Variants in MLIP observed in about 807,000 individuals in gnomAD.
MLIP encodes the protein muscular LMNA-interacting protein.
A neutral mutation model predicts 84.8 loss-of-function variants in MLIP; 79 were observed. That is an observed-to-expected ratio of 0.93 (90% CI 0.78 to 1.12). The LOEUF is 1.12. Ranked by LOEUF, MLIP falls within the 50% of genes most tolerant of loss-of-function variation. The pLI, the probability that MLIP is intolerant of heterozygous loss-of-function variation, is 0.00. For synonymous variants in MLIP, 504 were observed against 463.0 expected (o/e 1.09, Z -1.14); for missense variants, 1,257 against 1,160.6 (o/e 1.08, Z -1.21).
intron 12 of MLIP, among the ~76,000 whole-genome samples, chr6:54,235,556 C>T (rs1441177993): frequency 1.3e-5 from 2 of 152,144 alleles, no homozygotes; most frequent in Non-Finnish European, 2.9e-5. Flanking sequence ...ACATAATATG[C>T]TATTTCCCAC....
chr6:54,151,887 C>T (rs1773483129), intron 5 of MLIP, among the ~76,000 whole-genome samples: 1 of 152,144 alleles, frequency 6.6e-6, no homozygotes, highest in Non-Finnish European at 1.5e-5. Flanking sequence ...CGTTGAATTA[C>T]TGGATTGGTT....
At chr6:54,213,953 C>G (rs1437205901) in intron 11 of MLIP, among the ~76,000 whole-genome samples, 1 of 151,994 alleles carries the variant, frequency 6.6e-6, no homozygotes, top group Non-Finnish European at 1.5e-5. Flanking sequence ...CTTTGACTAC[C>G]TGACTGCCAT....
intron 1 of MLIP, among the ~76,000 whole-genome samples, chr6:54,071,473 T>C (rs1193123776): frequency 6.6e-6 from 1 of 152,180 alleles, no homozygotes; most frequent in Non-Finnish European, 1.5e-5. Flanking sequence ...ATATGATAAA[T>C]CATTGTTTTT....
chr6:54,139,965 G>T (rs1207553827), intron 4 of MLIP, among the ~76,000 whole-genome samples: 1 of 152,010 alleles, frequency 6.6e-6, no homozygotes, highest in Non-Finnish European at 1.5e-5. Context: ...AACATTCAAA[G>T]AAAATGAGAT....
chr6:54,085,676 A>G (rs1243795160), intron 1 of MLIP, among the ~76,000 whole-genome samples: 1 of 152,210 alleles, frequency 6.6e-6, no homozygotes, highest in African/African-American at 2.4e-5. Flanking sequence ...GTGTCCTGTT[A>G]GAAGCCTTCA....
rs1241717368 is a variant in MLIP at position 54,199,293 on chromosome 6, A to G, written c.2590-2812A>G. Among the ~76,000 whole-genome samples, 12 of 152,158 alleles carry G rather than the reference A, an allele frequency of 7.9e-5. 1 individual carries two copies. Among genetic ancestry groups the G allele is most frequent in the Admixed American group, 7.2e-4 (11 of 15,260 alleles). ...AAATCACAGGCATGATGATCACACC[A>G]AACATGGATTTAAACCTTAACATAT... On this transcript the variant is annotated intron_variant, in intron 10 of 13. Coordinates refer to ENST00000502396, the MANE Select transcript of MLIP (RefSeq NM_001281747.2).
At chr6:54,186,538 C>G (rs541882391) in intron 9 of MLIP, among the ~76,000 whole-genome samples, 3 of 152,168 alleles carry the variant, frequency 2.0e-5, no homozygotes, top group Non-Finnish European at 4.4e-5. Context: ...TTAATTGAGT[C>G]GCAGTTCTGC....
In MLIP at chr6:54,137,073, A is replaced by C. The variant is rs1255523962; in HGVS notation, c.1004A>C (p.His335Pro). The C allele has an allele frequency of 2.7e-5, 42 of 1,536,010 alleles. No individual in the cohort carries two copies. The highest frequency in any genetic ancestry group is 3.6e-5 in the Non-Finnish European group (41 of 1,146,874). The change falls in exon 4 of 14, where the codon CAT becomes CCT. Residue 335 changes from histidine to proline, a missense_variant. Coordinates refer to ENST00000502396, the MANE Select transcript of MLIP (RefSeq NM_001281747.2). The part of the protein sequence containing the change: ...EVLKKTTLTS[H>P]VLSHGESPRT... ...CTCAAGAAGACAACTTTAACCTCGC[A>C]TGTCCTTAGTCACGGAGAAAGTCCG...
chr6:54,145,665 G>C (rs577825869), intron 4 of MLIP, among the ~76,000 whole-genome samples: 6 of 151,906 alleles, frequency 3.9e-5, no homozygotes, highest in Non-Finnish European at 8.8e-5. Context: ...ATTACCAGAT[G>C]CTCTGGAGGC....
Position 54,219,421 on chromosome 6 carries a change from G to T in MLIP, c.2719-11293G>T, listed in dbSNP as rs1273812490. Among the ~76,000 whole-genome samples the T allele has an allele frequency of 3.4e-5, 5 of 145,718 alleles. No homozygotes were observed. In the Admixed American group the frequency reaches 3.4e-4, roughly 10 times the overall value. ...ACAAGTACACAAGTTAGCCTAGGCA[G>T]GGTCAGGATCACAAGACATCACTCT... On this transcript the variant is annotated intron_variant, in intron 11 of 13. Transcript: ENST00000502396.
At chr6:54,223,213 C>T (rs1462929393) in intron 11 of MLIP, among the ~76,000 whole-genome samples, 1 of 151,710 alleles carries the variant, frequency 6.6e-6, no homozygotes, top group African/African-American at 2.4e-5. Flanking sequence ...TGAATGTTCC[C>T]TTTGCTGTAG....
chr6:54,147,021 A>G (rs1772915456), intron 4 of MLIP, among the ~76,000 whole-genome samples: 2 of 152,176 alleles, frequency 1.3e-5, no homozygotes, highest in Non-Finnish European at 1.5e-5. Flanking sequence ...TGTTGTGACA[A>G]TTGAGTGAGT....
chr6:54,197,544 A>C (rs1056176163), intron 10 of MLIP, among the ~76,000 whole-genome samples: 2 of 152,028 alleles, frequency 1.3e-5, no homozygotes, highest in Non-Finnish European at 2.9e-5. Context: ...TACATTCATG[A>C]ATTGATATTT....
At chr6:54,139,163 G>A (rs1348824164) in intron 4 of MLIP, among the ~76,000 whole-genome samples, 1 of 152,020 alleles carries the variant, frequency 6.6e-6, no homozygotes, top group Non-Finnish European at 1.5e-5. Context: ...AGGGAAGTAA[G>A]AGATTTTTTT....
At chr6:54,255,772 G>A (rs1045583728) in intron 12 of MLIP, among the ~76,000 whole-genome samples, 1 of 152,088 alleles carries the variant, frequency 6.6e-6, no homozygotes, top group Non-Finnish European at 1.5e-5. Flanking sequence ...GCTTTATTGG[G>A]ATATTACCAA....
At chr6:54,095,285 A>G (rs961573034) in intron 1 of MLIP, among the ~76,000 whole-genome samples, 2 of 152,172 alleles carry the variant, frequency 1.3e-5, no homozygotes, top group Admixed American at 6.5e-5. Context: ...TATTGGTCAC[A>G]ATTCAGGTAC....
chr6:54,174,994 A>G (rs1343670450), intron 9 of MLIP, among the ~76,000 whole-genome samples: 1 of 151,992 alleles, frequency 6.6e-6, no homozygotes, highest in African/African-American at 2.4e-5. Context: ...AGCATCATTT[A>G]TTGAAAAGAC....
intron 12 of MLIP, among the ~76,000 whole-genome samples, chr6:54,247,346 A>G (rs374821795): frequency 1.3e-5 from 2 of 152,272 alleles, no homozygotes; most frequent in South Asian, 2.1e-4. Flanking sequence ...AAACCATCAT[A>G]GCTGTTAGTT....
rs529026912 is a variant in MLIP at position 54,071,697 on chromosome 6, C to T, written c.64-49750C>T. On this transcript the variant is annotated intron_variant, in intron 1 of 12. Coordinates refer to the MLIP transcript ENST00000274897. ...AGATTGTCCCTGGTAACATCTTTGG[C>T]GGTAATATTCATATGAATATGTTTG... is the stretch of plus-strand genomic sequence containing the variant. 1.7e-4 allele frequency among the ~76,000 whole-genome samples: 26 copies of T among 151,998 alleles called. No homozygotes were observed. In the South Asian group the frequency reaches 2.7e-3, roughly 16 times the overall value.
Sources: allele counts gnomAD v4.1 joint callset (sites outside exome capture counted in the v4.1 genomes callset), GRCh38; gene constraint gnomAD v4.1.1; transcripts MANE v1.5; gene names NCBI Gene and HGNC (gene_info 2026-07-23, HGNC 2026-07-21).